Variants in FAT2 observed in about 807,000 individuals in gnomAD.
FAT2 encodes protocadherin Fat 2.
A neutral mutation model predicts 295.3 loss-of-function variants in FAT2; 150 were observed. The observed-to-expected ratio is 0.51, with a 90% CI of 0.44 to 0.58. FAT2 has a LOEUF of 0.58. FAT2 is among the 20% of genes least tolerant of loss of function. FAT2 has a pLI of 0.00. For synonymous variants in FAT2, 2,026 were observed against 2,150.3 expected, an observed-to-expected ratio of 0.94 and a Z score of 1.60; for missense variants, 4,868 against 5,442.7, an observed-to-expected ratio of 0.89 and a Z score of 3.32.
chr5:151,555,367 C>CTTTTTTT (rs912481589), intron 4 of FAT2, among the ~76,000 whole-genome samples: 5 of 123,094 alleles, frequency 4.1e-5, no homozygotes, highest in African/African-American at 6.3e-5. Context: ...TAATATATTT[C>CTTTTTTT]TTTTTTTTTT....
At chr5:151,552,802 G>A (rs1757337779) in intron 6 of FAT2, among the ~76,000 whole-genome samples, 1 of 152,218 alleles carries the variant, frequency 6.6e-6, no homozygotes, top group Admixed American at 6.5e-5. Context: ...TGGCCCCAGG[G>A]TATAGCTTAT....
chr5:151,563,828 A>G (rs1363380598), intron 2 of FAT2, among the ~76,000 whole-genome samples, 189 bp from the exon 3 acceptor site: 1 of 152,226 alleles, frequency 6.6e-6, no homozygotes, highest in Non-Finnish European at 1.5e-5. Context: ...GGGAATTAAT[A>G]TCCTTATTCT....
At chr5:151,534,970 A>ATATATATATATATATAT (rs1755078921) in intron 12 of FAT2, among the ~76,000 whole-genome samples, 31 of 106,396 alleles carry the variant, frequency 2.9e-4, no homozygotes, top group Non-Finnish European at 5.8e-4. Flanking sequence ...CTTCTAGGAA[A>ATATATATATATATATAT]ATATATATAT....
In FAT2 at chr5:151,521,289, G is replaced by A; in HGVS notation, c.11304C>T (p.Ser3768=). The change falls in exon 19 of 24, where the codon AGC becomes AGT. Residue 3768 remains serine (S), a synonymous_variant. Transcript: ENST00000261800. ...ILTPRHHLQR[S]CSCNGTATRF... Reference sequence around the variant, plus strand: ...TGTAGTACTTACCATTGCAGGAGCAGCTCCTCTGCAGGTGGTGCCGCGGGG... The same window carrying A: ...TGTAGTACTTACCATTGCAGGAGCAACTCCTCTGCAGGTGGTGCCGCGGGG... 1 of 1,608,438 alleles carries A rather than the reference G, an allele frequency of 6.2e-7. No homozygotes were observed. The highest frequency in any genetic ancestry group is 1.1e-5 in the South Asian group (1 of 90,594).
intron 1 of FAT2, among the ~76,000 whole-genome samples, chr5:151,577,922 CCTGAGGGGTCAACAACT>C (rs1758804617): frequency 6.6e-6 from 1 of 152,038 alleles, no homozygotes; most frequent in African/African-American, 2.4e-5. Flanking sequence ...AGGGAGGAAT[CCTGAGGGGTCAACAACT>C]CTAGCCCCAC....
At chr5:151,507,082 G>T in intron 23 of FAT2, 72 bp downstream of exon 23, 1 of 1,361,458 alleles carries the variant, frequency 7.3e-7, no homozygotes, top group Non-Finnish European at 1.0e-6. Flanking sequence ...CTGTGCCTCA[G>T]ATAACGGAGT....
chr5:151,559,578 C>T (rs1030250682), intron 3 of FAT2, among the ~76,000 whole-genome samples: 1 of 151,978 alleles, frequency 6.6e-6, no homozygotes, highest in East Asian at 1.9e-4. Flanking sequence ...CCTTCACCAT[C>T]CTCCTCCTCT....
upstream of FAT2, among the ~76,000 whole-genome samples, chr5:151,592,136 G>A (rs998744685): frequency 6.6e-6 from 1 of 152,174 alleles, no homozygotes; most frequent in Admixed American, 6.5e-5. Context: ...CGTTTTATGA[G>A]GTGCCTCTCT....
At position 151,505,220 on chromosome 5, in the gene FAT2, G is replaced by GTCAA; in HGVS notation, c.*341_*344dup. The GTCAA allele has an allele frequency of 2.6e-6, 1 of 390,686 alleles. No homozygotes were observed. The highest frequency in any genetic ancestry group is 4.7e-6 in the Non-Finnish European group (1 of 214,298). 24.2% of individuals were successfully genotyped at this position (390,686 alleles called of 1,614,324 possible). On this transcript the variant is annotated 3_prime_UTR_variant, in exon 24 of 24. Coordinates refer to ENST00000261800, the MANE Select transcript of FAT2 (RefSeq NM_001447.3). ...ATCTTGGTGAAGTTGAGCCAGCACAGTCAATCAGGCTCTGCCCCGGGGACT... is the reference window on the plus strand; with the variant it reads ...ATCTTGGTGAAGTTGAGCCAGCACAGTCAATCAATCAGGCTCTGCCCCGGGGACT...
Position 151,545,111 on chromosome 5 carries a change from A to G in FAT2, c.6016T>C (p.Leu2006=). 6.2e-7 allele frequency: 1 copy of G among 1,614,208 alleles called. No individual in the cohort carries two copies. The highest frequency in any genetic ancestry group is 2.2e-5 in the East Asian group (1 of 44,882). The change falls in exon 10 of 24, where the codon TTG becomes CTG. Residue 2006 remains leucine (L), a synonymous_variant. Transcript: ENST00000261800. ...HLNDTLSYFL[L]NGTDMFHMVQ... is the part of the protein sequence containing the mutation. The stretch of plus-strand genomic sequence containing the variant: ...ATATGAAACATATCTGTGCCATTCA[A>G]GAGAAAGTAGGAAAGGGTGTCATTC...
upstream of FAT2, among the ~76,000 whole-genome samples, chr5:151,592,437 C>T (rs1025578068): frequency 2.0e-5 from 3 of 152,112 alleles, no homozygotes; most frequent in Non-Finnish European, 4.4e-5. Context: ...CCCTCCCTCC[C>T]CCCAGGTCTT....
Position 151,507,594 on chromosome 5 carries a change from C to T in FAT2, c.12077G>A (p.Arg4026Lys). ...TAGGCAGTGTCCTTCTGAACAACCC[C>T]TCGCCTCCATTTCACACCTGCGGAG... is the stretch of plus-strand genomic sequence containing the variant. ...YTGDRCEMEA[R>K]GCSEGHCLVT... Residue 4026 changes from arginine (R) to lysine (K), a missense_variant, in exon 23 of 24, where the codon AGG becomes AAG. This residue lies in a region of FAT2 where 492 missense variants were observed against 482.6 expected (regional missense o/e 1.02). Transcript: ENST00000261800. 1.2e-6 allele frequency: 2 copies of T among 1,604,202 alleles called. No individual in the cohort carries two copies. Among genetic ancestry groups the T allele is most frequent in the Non-Finnish European group, 1.7e-6 (2 of 1,177,254 alleles).
rs756056445 is a variant in FAT2 at position 151,554,448 on chromosome 5, C to G, written c.3859G>C (p.Asp1287His). 17 of 1,614,088 alleles carry G rather than the reference C, an allele frequency of 1.1e-5. No individual in the cohort carries two copies. The Admixed American group carries it at 1.2e-4, about 11-fold the overall frequency. The part of the protein sequence containing the change: ...GRVTYSIEDS[D>H]EEAFSIDLVT... ...AGGTCGATACTGAAGGCCTCCTCAT[C>G]GCTGTCCTCGATACTGTAGGTGACT... is the stretch of plus-strand genomic sequence containing the variant. The change falls in exon 5 of 24, where the codon GAT becomes CAT. Residue 1287 changes from aspartate to histidine, a missense_variant. Transcript: ENST00000261800.
Position 151,537,784 on chromosome 5 carries a change from GA to G in FAT2, c.9193+8del. The G allele has an allele frequency of 1.2e-6, 2 of 1,606,066 alleles. No individual in the cohort carries two copies. The highest frequency in any genetic ancestry group is 1.7e-6 in the Non-Finnish European group (2 of 1,175,084). ...TTCTTGTTTTGATCCTGCAGCTCAG[GA>G]AACCCACCTGTATGAGGATCCAGCT... On this transcript the variant is annotated splice_region_variant and intron_variant, in intron 12 of 23. Coordinates refer to ENST00000261800, the MANE Select transcript of FAT2 (RefSeq NM_001447.3).
intron 9 of FAT2, among the ~76,000 whole-genome samples, 174 bp downstream of exon 9, chr5:151,549,121 C>G (rs1427208062): frequency 6.6e-6 from 1 of 152,168 alleles, no homozygotes; most frequent in Non-Finnish European, 1.5e-5. Context: ...TATGTTATTA[C>G]TACCTTTGGA....
chr5:151,552,219 C>G (rs998009665), intron 6 of FAT2, among the ~76,000 whole-genome samples: 20 of 152,260 alleles, frequency 1.3e-4, no homozygotes, highest in South Asian at 6.2e-4. Context: ...GACTCGGCCT[C>G]AAGTGATCCT....
At chr5:151,587,604 C>T (rs1330174414) in intron 1 of FAT2, among the ~76,000 whole-genome samples, 2 of 152,190 alleles carry the variant, frequency 1.3e-5, no homozygotes, top group African/African-American at 4.8e-5. Flanking sequence ...GTCACTCCTC[C>T]TCTGGGTCTC....
At position 151,531,689 on chromosome 5, in the gene FAT2, C is replaced by G. The variant is rs764764595; in HGVS notation, c.9709G>C (p.Val3237Leu). The G allele has an allele frequency of 6.2e-7, 1 of 1,613,864 alleles. No individual in the cohort carries two copies. The highest frequency in any genetic ancestry group is 1.7e-5 in the Admixed American group (1 of 60,008). Residue 3237 changes from valine (V) to leucine (L), a missense_variant, in exon 14 of 24, where the codon GTG becomes CTG. By Grantham distance (32) the Val-to-Leu change is conservative (BLOSUM62 1). Transcript: ENST00000261800. This position sits in a 1 kb window ranked among gnomAD's most constrained non-coding sequence, Gnocchi z 5.7. ...CGAGTGAGGGTGGCCAGCTGCAGCACCTCCGTGCCAGGTGGGGCGTCCTCG... is the reference window on the plus strand; with the variant it reads ...CGAGTGAGGGTGGCCAGCTGCAGCAGCTCCGTGCCAGGTGGGGCGTCCTCG... ...VPEDAPPGTE[V>L]LQLATLTRPG... is the part of the protein sequence containing the mutation.
chr5:151,574,021 G>A (rs531587973), intron 1 of FAT2, among the ~76,000 whole-genome samples: 3 of 152,210 alleles, frequency 2.0e-5, no homozygotes, highest in African/African-American at 7.2e-5. Context: ...CAACTCATAC[G>A]GGCATGGTTC....
Sources: allele counts gnomAD v4.1 joint callset (sites outside exome capture counted in the v4.1 genomes callset), GRCh38; gene constraint gnomAD v4.1.1; regional missense constraint gnomAD v4.1.1; non-coding constraint Gnocchi (gnomAD v3.1); transcripts MANE v1.5; gene names NCBI Gene and HGNC (gene_info 2026-07-23, HGNC 2026-07-21).